CREG2: variants seen among roughly 807,000 people sequenced by gnomAD.
CREG2 encodes protein CREG2.
Under a neutral mutation model 26.2 loss-of-function variants are expected in CREG2, and 24 were observed. That is an observed-to-expected ratio of 0.92 (90% CI 0.66 to 1.29). CREG2 has a LOEUF of 1.29. CREG2 is among the 50% of genes most tolerant of loss of function. CREG2 has a pLI of 0.00. For missense variants in CREG2, 366 were observed against 398.6 expected, an observed-to-expected ratio of 0.92 and a Z score of 0.70; for synonymous variants, 174 against 169.2, an observed-to-expected ratio of 1.03 and a Z score of -0.22.
intron 2 of CREG2, among the ~76,000 whole-genome samples, chr2:101,356,652 G>A (rs955051973): frequency 1.3e-5 from 2 of 152,098 alleles, no homozygotes; most frequent in African/African-American, 4.8e-5. Context: ...CCCTGGAGTA[G>A]TACAACGCTT....
chr2:101,378,251 A>G (rs773079626), intron 2 of CREG2, among the ~76,000 whole-genome samples: 11 of 152,176 alleles, frequency 7.2e-5, no homozygotes, highest in Non-Finnish European at 1.3e-4. Flanking sequence ...TCTTGACTTC[A>G]TTTTACAAAT....
rs1306178282 is a variant in CREG2, at chr2:101,347,273, A to C, written c.*3650T>G. The C allele has an allele frequency of 2.6e-5, 4 of 152,238 alleles. No individual in the cohort carries two copies. Among genetic ancestry groups the C allele is most frequent in the African/African-American group, 9.6e-5 (4 of 41,472 alleles). The allele number at this position is 152,238 out of a possible 1,614,324, so 9.4% of individuals were successfully genotyped here. A position where few individuals can be genotyped will look rare whatever the true frequency, so the allele number is the denominator to read the frequency against. ...TTTTTGAACATTATGGATAAAACTG[A>C]TATGAACATTCATGCACAAGTTTTT... is the stretch of plus-strand genomic sequence containing the variant. On this transcript the variant is annotated 3_prime_UTR_variant, in exon 4 of 4. Transcript: ENST00000324768.
At chr2:101,375,420 G>A (rs1381571878) in intron 2 of CREG2, among the ~76,000 whole-genome samples, 1 of 152,178 alleles carries the variant, frequency 6.6e-6, no homozygotes, top group African/African-American at 2.4e-5. Context: ...CCTTCATCCT[G>A]GGGGAGTAAG....
Position 101,362,273 on chromosome 2 carries a change from T to A in CREG2, c.612-6907A>T, listed in dbSNP as rs563940562. On this transcript the variant is annotated intron_variant, in intron 2 of 3. Coordinates refer to ENST00000324768, the MANE Select transcript of CREG2 (RefSeq NM_153836.4). ...ACACTGGATTACAAAGGAGCCACCCTTAAAATGAAACAGACACCACAGGAG... is the reference window on the plus strand; with the variant it reads ...ACACTGGATTACAAAGGAGCCACCCATAAAATGAAACAGACACCACAGGAG... Among the ~76,000 whole-genome samples, 6 of 152,158 alleles carry A rather than the reference T, an allele frequency of 3.9e-5. No individual in the cohort carries two copies. In the South Asian group the frequency reaches 1.2e-3, roughly 32 times the overall value.
At chr2:101,360,793 A>G (rs921795176) in intron 2 of CREG2, among the ~76,000 whole-genome samples, 1 of 152,146 alleles carries the variant, frequency 6.6e-6, no homozygotes, top group Non-Finnish European at 1.5e-5. Context: ...GATACTGGAA[A>G]AATGTGGTTG....
chr2:101,375,983 C>T (rs746427694), intron 2 of CREG2: 6 of 190,910 alleles, frequency 3.1e-5, no homozygotes, highest in African/African-American at 1.2e-4. Flanking sequence ...CAGCTTTCAG[C>T]TTTGCTGGGC....
rs150365338 is a variant in CREG2, at chr2:101,361,657, A to G, written c.612-6291T>C. Reference sequence around the variant, plus strand: ...GACTTCTGACCTCCAGGACAGTAACATGATAAATCTGGGTTACTTTAAGCC... The same window carrying G: ...GACTTCTGACCTCCAGGACAGTAACGTGATAAATCTGGGTTACTTTAAGCC... On this transcript the variant is annotated intron_variant, in intron 2 of 3. Coordinates refer to ENST00000324768, the MANE Select transcript of CREG2 (RefSeq NM_153836.4). 7.9e-3 allele frequency among the ~76,000 whole-genome samples: 1,208 copies of G among 152,320 alleles called. 9 individuals carry two copies. The highest frequency in any genetic ancestry group is 0.027 in the African/African-American group (1,135 of 41,566).
At chr2:101,381,512 T>C (rs543661198) in intron 2 of CREG2, among the ~76,000 whole-genome samples, 2 of 152,382 alleles carry the variant, frequency 1.3e-5, no homozygotes, top group East Asian at 1.9e-4. Flanking sequence ...AAAAGCCCCA[T>C]TGCTTGGTAA....
At chr2:101,383,138 C>A (rs1684904083) in intron 2 of CREG2, 4 of 409,382 alleles carry the variant, frequency 9.8e-6, no homozygotes, top group Non-Finnish European at 1.4e-5. Flanking sequence ...TGTTGCACGC[C>A]TCCGTGCTGG....
At chr2:101,369,534 T>C (rs985119450) in intron 2 of CREG2, among the ~76,000 whole-genome samples, 1 of 152,074 alleles carries the variant, frequency 6.6e-6, no homozygotes, top group East Asian at 1.9e-4. Context: ...GAGGGTAGAC[T>C]GGATAGAGCA....
intron 2 of CREG2, chr2:101,376,038 G>A (rs1684785520): frequency 4.7e-6 from 1 of 213,336 alleles, no homozygotes; most frequent in Admixed American, 4.2e-5. Context: ...CAAAGCTGCT[G>A]TCATGCTGTG....
intron 2 of CREG2, among the ~76,000 whole-genome samples, chr2:101,359,071 A>AAAAG (rs1684504322): frequency 7.4e-5 from 1 of 13,530 alleles, no homozygotes; most frequent in Non-Finnish European, 3.4e-4. Flanking sequence ...AAAAAAAAAA[A>AAAAG]AGAGAGAACT....
intron 3 of CREG2, among the ~76,000 whole-genome samples, chr2:101,354,306 G>T (rs755064122): frequency 6.6e-6 from 1 of 152,022 alleles, no homozygotes; most frequent in African/African-American, 2.4e-5. Flanking sequence ...ACACACACAC[G>T]CACACTGACA....
intron 2 of CREG2, among the ~76,000 whole-genome samples, chr2:101,376,381 G>A (rs1052314830): frequency 3.3e-5 from 5 of 151,766 alleles, no homozygotes; most frequent in East Asian, 1.9e-4. Context: ...GGGTTCAAGC[G>A]ATTCTCATGC....
rs1684777795 is a variant in CREG2 at position 101,375,618 on chromosome 2, C to G, written c.611+7915G>C. On this transcript the variant is annotated intron_variant, in intron 2 of 3. Coordinates refer to ENST00000324768, the MANE Select transcript of CREG2 (RefSeq NM_153836.4). ...GTGGCTGAGTGCCCTCTGTGGCACC[C>G]CAGGAGGCCGAGCTCTGCTTCTCCA... 4.7e-5 allele frequency: 9 copies of G among 190,956 alleles called. No homozygotes were observed. In the South Asian group the frequency reaches 1.0e-3, roughly 21 times the overall value. 11.8% of individuals were successfully genotyped at this position (190,956 alleles called of 1,614,324 possible).
chr2:101,378,100 C>G (rs952185633), intron 2 of CREG2, among the ~76,000 whole-genome samples: 4 of 152,200 alleles, frequency 2.6e-5, no homozygotes, highest in African/African-American at 4.8e-5. Context: ...AGTCAGCACC[C>G]TGTAATCAAC....
At chr2:101,361,865 G>A (rs1378262381) in intron 2 of CREG2, among the ~76,000 whole-genome samples, 2 of 152,140 alleles carry the variant, frequency 1.3e-5, no homozygotes, top group South Asian at 2.1e-4. Context: ...AGCACCCTGG[G>A]GACCCTGATG....
intron 2 of CREG2, among the ~76,000 whole-genome samples, chr2:101,364,425 T>G: frequency 6.6e-6 from 1 of 152,178 alleles, no homozygotes; most frequent in East Asian, 1.9e-4. Flanking sequence ...CAAATGTCCC[T>G]GGGGAGGAGT....
chr2:101,379,831 G>A (rs531433617), intron 2 of CREG2, among the ~76,000 whole-genome samples: 1 of 152,332 alleles, frequency 6.6e-6, no homozygotes, highest in Non-Finnish European at 1.5e-5. Context: ...CTCAGGATCT[G>A]ATTTGGATTT....
Sources: allele counts gnomAD v4.1 joint callset (sites outside exome capture counted in the v4.1 genomes callset), GRCh38; gene constraint gnomAD v4.1.1; transcripts MANE v1.5; gene names NCBI Gene and HGNC (gene_info 2026-07-23, HGNC 2026-07-21).